The following CNBD1 variants were observed in gnomAD, a reference collection of about 807,000 sequenced individuals.
CNBD1 encodes the protein cyclic nucleotide-binding domain-containing protein 1.
A neutral mutation model predicts 54.4 loss-of-function variants in CNBD1; 71 were observed. The observed-to-expected ratio is 1.30, with a 90% CI of 1.08 to 1.59. The LOEUF is 1.59. Ranked by LOEUF, CNBD1 falls within the 40% of genes most tolerant of loss-of-function variation. The pLI is 0.00. For missense variants in CNBD1, 659 were observed against 518.0 expected, an observed-to-expected ratio of 1.27 and a Z score of -2.64; for synonymous variants, 182 against 170.7, an observed-to-expected ratio of 1.07 and a Z score of -0.51.
intron 4 of CNBD1, among the ~76,000 whole-genome samples, chr8:87,138,707 CAT>C (rs1812310803): frequency 6.6e-6 from 1 of 152,138 alleles, no homozygotes; most frequent in Non-Finnish European, 1.5e-5. Context: ...GAAACACTAA[CAT>C]AACGTGTTTA....
chr8:86,880,754 G>T (rs1327006398), intron 1 of CNBD1, among the ~76,000 whole-genome samples: 11 of 151,286 alleles, frequency 7.3e-5, no homozygotes, highest in Non-Finnish European at 1.6e-4. Context: ...TAACCTTTAT[G>T]AACAGCAATG....
intron 8 of CNBD1, among the ~76,000 whole-genome samples, chr8:87,323,429 A>G (rs2130902166): frequency 7.3e-6 from 1 of 137,364 alleles, no homozygotes; most frequent in South Asian, 2.3e-4. Context: ...GATTCTTCCT[A>G]CCCATGAGCA....
At chr8:87,221,388 T>A (rs1814334578) in intron 5 of CNBD1, among the ~76,000 whole-genome samples, 1 of 152,144 alleles carries the variant, frequency 6.6e-6, no homozygotes, top group South Asian at 2.1e-4. Context: ...TAATTCACTG[T>A]TCTTTATCAA....
intron 10 of CNBD1, among the ~76,000 whole-genome samples, chr8:87,379,831 A>T (rs1563578454): frequency 6.6e-6 from 1 of 152,040 alleles, no homozygotes; most frequent in Non-Finnish European, 1.5e-5. Flanking sequence ...GAATTATAAA[A>T]ACACAGGTAT....
chr8:87,290,326 T>A (rs1358224551), intron 8 of CNBD1, among the ~76,000 whole-genome samples: 6 of 152,128 alleles, frequency 3.9e-5, no homozygotes, highest in Non-Finnish European at 1.5e-5. Context: ...TTTTTATTTG[T>A]TCCTGTGGAC....
At chr8:87,099,525 A>C (rs187590094) in intron 4 of CNBD1, among the ~76,000 whole-genome samples, 71 of 152,320 alleles carry the variant, frequency 4.7e-4, no homozygotes, top group African/African-American at 1.6e-3. Flanking sequence ...ACCAGGATGA[A>C]TTTGACTGGC....
intron 4 of CNBD1, among the ~76,000 whole-genome samples, chr8:86,980,396 A>C (rs1808454509): frequency 6.6e-6 from 1 of 152,216 alleles, no homozygotes; most frequent in Non-Finnish European, 1.5e-5. Context: ...GTACACATTT[A>C]TCCACTTCCT....
At chr8:87,036,720 T>C (rs1175400014) in intron 4 of CNBD1, among the ~76,000 whole-genome samples, 3 of 152,176 alleles carry the variant, frequency 2.0e-5, no homozygotes, top group Admixed American at 6.5e-5. Context: ...CACTTGTTTC[T>C]ATATCTGTCA....
In CNBD1 at chr8:87,379,536, G is replaced by T. The variant is rs150220361; in HGVS notation, c.1304-3084G>T. On this transcript the variant is annotated intron_variant, in intron 10 of 10. Transcript: ENST00000518476. ...CAGAATTTATAACAAACTATCTCTT[G>T]TTTGTTAAATTTAAAAAAAATCCAT... Among the ~76,000 whole-genome samples the T allele has an allele frequency of 6.9e-3, 1,044 of 151,826 alleles. 11 individuals carry two copies. Among genetic ancestry groups the T allele is most frequent in the African/African-American group, 0.024 (982 of 41,428 alleles).
At position 87,136,929 on chromosome 8, in the gene CNBD1, ATG is replaced by A. The variant is rs1364149867; in HGVS notation, c.432-69062_432-69061del. 2.9e-4 allele frequency among the ~76,000 whole-genome samples: 19 copies of A among 65,836 alleles called. 4 individuals carry two copies. Among genetic ancestry groups the A allele is most frequent in the South Asian group, 5.3e-4 (1 of 1,904 alleles). 43.2% of individuals were successfully genotyped at this position (65,836 alleles called of 152,430 possible). A position where few individuals can be genotyped will look rare whatever the true frequency, so the allele number is the denominator to read the frequency against. On this transcript the variant is annotated intron_variant, in intron 4 of 10. Transcript: ENST00000518476. ...AAATTATATATTATATTTATATTCTATGTAAATTATATATTATATTTATATTC... is the reference window on the plus strand; with the variant it reads ...AAATTATATATTATATTTATATTCTATAAATTATATATTATATTTATATTC...
intron 4 of CNBD1, among the ~76,000 whole-genome samples, chr8:86,999,505 A>AT (rs897998674): frequency 1.3e-5 from 2 of 150,820 alleles, no homozygotes; most frequent in Non-Finnish European, 2.9e-5. Flanking sequence ...CTCCTGGCTG[A>AT]TTTTTTCCTG....
At chr8:86,963,805 C>T (rs1427653540) in intron 4 of CNBD1, among the ~76,000 whole-genome samples, 1 of 152,130 alleles carries the variant, frequency 6.6e-6, no homozygotes, top group Admixed American at 6.5e-5. Flanking sequence ...TCCTGGATGG[C>T]AATGACAGTC....
At chr8:87,034,444 G>A in intron 4 of CNBD1, among the ~76,000 whole-genome samples, 1 of 152,138 alleles carries the variant, frequency 6.6e-6, no homozygotes, top group Non-Finnish European at 1.5e-5. Flanking sequence ...AACAGCAACA[G>A]GAGGCAGCTA....
intron 4 of CNBD1, among the ~76,000 whole-genome samples, chr8:87,118,641 T>A (rs111498597): frequency 6.6e-5 from 10 of 152,220 alleles, no homozygotes; most frequent in South Asian, 2.1e-4. Context: ...AAGTACCTTG[T>A]TTTTTTGTGC....
intron 2 of CNBD1, among the ~76,000 whole-genome samples, chr8:87,400,939 T>G (rs1157485939): frequency 6.6e-6 from 1 of 152,028 alleles, no homozygotes; most frequent in Non-Finnish European, 1.5e-5. Context: ...CATTGTTTCT[T>G]AAAAACATCT....
intron 4 of CNBD1, among the ~76,000 whole-genome samples, chr8:86,963,160 G>A (rs1418877418): frequency 1.3e-5 from 2 of 152,122 alleles, no homozygotes; most frequent in Non-Finnish European, 2.9e-5. Flanking sequence ...GGTGACCTGT[G>A]CAGGTGCTGA....
At chr8:87,409,498 C>T (rs901926298) in intron 2 of CNBD1, among the ~76,000 whole-genome samples, 1 of 152,118 alleles carries the variant, frequency 6.6e-6, no homozygotes, top group African/African-American at 2.4e-5. Context: ...GGAGATATAA[C>T]TAAGATCTTT....
At chr8:87,194,500 C>A (rs528554945) in intron 4 of CNBD1, among the ~76,000 whole-genome samples, 2 of 152,278 alleles carry the variant, frequency 1.3e-5, no homozygotes, top group East Asian at 3.9e-4. Flanking sequence ...AATAATATGT[C>A]ACCAGTATTG....
chr8:87,402,237 C>T (rs911329501), intron 2 of CNBD1, among the ~76,000 whole-genome samples: 3 of 151,882 alleles, frequency 2.0e-5, no homozygotes, highest in Non-Finnish European at 4.4e-5. Context: ...TCAATTACCT[C>T]CCACCGGGTC....
Sources: gnomAD v4.1 joint callset for allele counts (sites outside exome capture counted in the v4.1 genomes callset) on GRCh38, gnomAD v4.1.1 for gene constraint, MANE v1.5 for transcripts, NCBI Gene and HGNC (gene_info 2026-07-23, HGNC 2026-07-21) for gene names.